JHY: variants seen among roughly 807,000 people sequenced by gnomAD.
The protein encoded by JHY is jhy protein homolog.
Under a neutral mutation model 78.0 loss-of-function variants are expected in JHY, and 69 were observed. That is an observed-to-expected ratio of 0.88 (90% CI 0.73 to 1.08). JHY has a LOEUF of 1.08. Ranked by LOEUF, JHY falls within the 50% of genes least tolerant of loss-of-function variation. The pLI is 0.00. For missense variants in JHY, 944 were observed against 927.8 expected (o/e 1.02, Z -0.23); for synonymous variants, 368 against 342.6 (o/e 1.07, Z -0.82).
intron 4 of JHY, among the ~76,000 whole-genome samples, chr11:122,931,350 C>T (rs527597403): frequency 2.0e-5 from 3 of 152,092 alleles, no homozygotes; most frequent in Non-Finnish European, 2.9e-5. Flanking sequence ...ATATATAGGA[C>T]CTTTTACTTA....
In JHY at chr11:122,898,274, A is replaced by T. The variant is rs145814847; in HGVS notation, c.345-5651A>T. On this transcript the variant is annotated intron_variant, in intron 2 of 8. Transcript: ENST00000227349. This position sits in a 1 kb window ranked among gnomAD's most constrained non-coding sequence, Gnocchi z 4.4. ...TGTTGACCGACTGATCCATTCGCTG[A>T]TTCACATAAGGCAGACACTGCAACC... is the stretch of plus-strand genomic sequence containing the variant. 5.6e-3 allele frequency among the ~76,000 whole-genome samples: 860 copies of T among 152,266 alleles called. 1 individual carries two copies. Among genetic ancestry groups the T allele is most frequent in the Middle Eastern group, 0.01 (3 of 294 alleles).
chr11:122,901,887 AT>A (rs367620699), intron 2 of JHY, among the ~76,000 whole-genome samples: 5,034 of 142,054 alleles, frequency 0.035, 193 homozygotes, highest in East Asian at 0.19. Flanking sequence ...AAAAAAAAAA[AT>A]TTTTATTTTT....
intron 4 of JHY, among the ~76,000 whole-genome samples, chr11:122,933,165 A>G (rs967949987): frequency 6.6e-6 from 1 of 152,244 alleles, no homozygotes. Flanking sequence ...AATGTATCAG[A>G]AAAGAGAAAT....
chr11:122,941,778 A>T (rs1486112992), intron 5 of JHY, among the ~76,000 whole-genome samples: 1 of 152,086 alleles, frequency 6.6e-6, no homozygotes, highest in African/African-American at 2.4e-5. Flanking sequence ...TGCTTGTAGG[A>T]TGTGTGACTG....
intron 5 of JHY, among the ~76,000 whole-genome samples, chr11:122,944,521 A>G (rs1863928354): frequency 6.6e-6 from 1 of 152,154 alleles, no homozygotes; most frequent in South Asian, 2.1e-4. Flanking sequence ...CATACATATT[A>G]CTTTGTTCAA....
At position 122,934,862 on chromosome 11, in the gene JHY, A is replaced by G. The variant is rs192492008; in HGVS notation, c.1421A>G (p.Asp474Gly). The G allele has an allele frequency of 6.2e-7, 1 of 1,614,046 alleles. No individual in the cohort carries two copies. The highest frequency in any genetic ancestry group is 1.7e-5 in the Admixed American group (1 of 59,974). ...LNVNKERGHK[D>G]QEEKRFSYQQ... ...GTTAATAAAGAAAGAGGACACAAAG[A>G]CCAAGAAGAGAAAAGATTTTCATAT... The change falls in exon 5 of 9, where the codon GAC (aspartate) becomes GGC (glycine). Residue 474 changes from aspartate to glycine, a missense_variant. Coordinates refer to ENST00000227349, the MANE Select transcript of JHY (RefSeq NM_024806.4).
chr11:122,892,069 G>T (rs748414620), intron 2 of JHY, among the ~76,000 whole-genome samples: 2 of 152,078 alleles, frequency 1.3e-5, no homozygotes, highest in Admixed American at 6.6e-5. Context: ...TTTCCTTTGG[G>T]CTGGGAGGTC....
At chr11:122,896,051 C>G (rs1297350948) in intron 2 of JHY, among the ~76,000 whole-genome samples, 5 of 152,096 alleles carry the variant, frequency 3.3e-5, no homozygotes, top group Non-Finnish European at 5.9e-5. Context: ...AATTAAAACT[C>G]TTATAAGAGC....
At chr11:122,918,369 A>C (rs1863278666) in intron 3 of JHY, among the ~76,000 whole-genome samples, 2 of 71,108 alleles carry the variant, frequency 2.8e-5, no homozygotes, top group Admixed American at 3.1e-4. Flanking sequence ...TTATATTTTA[A>C]GGAGGTAAGG....
In JHY at chr11:122,904,017, C is replaced by A. The variant is rs763826168; in HGVS notation, c.437C>A (p.Ala146Glu). 4.3e-6 allele frequency: 7 copies of A among 1,614,024 alleles called. No homozygotes were observed. The highest frequency in any genetic ancestry group is 5.9e-6 in the Non-Finnish European group (7 of 1,180,020). Reference protein sequence around the residue: ...KEEGQLLSVEALPESTDSSLE... With the variant: ...KEEGQLLSVEELPESTDSSLE... The stretch of plus-strand genomic sequence containing the variant: ...GAAGGGCAGCTGCTGTCTGTGGAAG[C>A]GTTGCCGGAGTCCACGGACAGCTCT... Residue 146 changes from alanine (A) to glutamate (E), a missense_variant, in exon 3 of 9, where the codon GCG becomes GAG. Coordinates refer to ENST00000227349, the MANE Select transcript of JHY (RefSeq NM_024806.4).
intron 4 of JHY, among the ~76,000 whole-genome samples, chr11:122,929,548 G>A (rs1216743442): frequency 6.6e-6 from 1 of 152,130 alleles, no homozygotes; most frequent in Admixed American, 6.6e-5. Flanking sequence ...GGTAAGGGCT[G>A]CTGTCTGCCT....
chr11:122,938,174 G>A (rs768247560), intron 5 of JHY, among the ~76,000 whole-genome samples: 17 of 151,924 alleles, frequency 1.1e-4, no homozygotes, highest in Non-Finnish European at 1.9e-4. Context: ...TTCAGTTCTG[G>A]GAAAATTTCT....
intron 6 of JHY, among the ~76,000 whole-genome samples, chr11:122,954,422 T>C (rs1332320832): frequency 1.3e-5 from 2 of 152,232 alleles, no homozygotes; most frequent in Non-Finnish European, 1.5e-5. Flanking sequence ...CTCTGGGTAC[T>C]CAGTAGACCA....
At chr11:122,948,442 T>TTAA (rs10527069) in intron 6 of JHY, among the ~76,000 whole-genome samples, 5,123 of 143,446 alleles carry the variant, frequency 0.036, 109 homozygotes, top group Middle Eastern at 0.073. Flanking sequence ...AAACTTTGTC[T>TTAA]TAATAATAAT....
In JHY at chr11:122,960,487, G is replaced by A. The variant is rs954082748; in HGVS notation, c.*1042G>A. 4.3e-5 allele frequency: 10 copies of A among 231,254 alleles called. No individual in the cohort carries two copies. The highest frequency in any genetic ancestry group is 8.3e-5 in the Admixed American group (2 of 24,168). 14.3% of individuals were successfully genotyped at this position (231,254 alleles called of 1,614,324 possible). A position where few individuals can be genotyped will look rare whatever the true frequency, so the allele number is the denominator to read the frequency against. On this transcript the variant is annotated 3_prime_UTR_variant, in exon 9 of 9. Transcript: ENST00000227349. ...CCTCTTCCTTCCTTTTCCTATAGAG[G>A]AAAAGTTCGTTTTGGGCTGATCCCT...
intron 1 of JHY, among the ~76,000 whole-genome samples, chr11:122,884,929 A>T (rs934805574): frequency 6.6e-6 from 1 of 151,116 alleles, no homozygotes; most frequent in African/African-American, 2.4e-5. Flanking sequence ...TCTCCCGAGT[A>T]GCTGGGACTA....
chr11:122,958,150 T>C (rs1189014969), intron 8 of JHY, among the ~76,000 whole-genome samples: 1 of 152,206 alleles, frequency 6.6e-6, no homozygotes, highest in African/African-American at 2.4e-5. Context: ...CAGAATGTTC[T>C]CCCTCTCAGA....
chr11:122,905,067 C>A, intron 3 of JHY: 1 of 894,652 alleles, frequency 1.1e-6, no homozygotes, highest in South Asian at 1.6e-5. Context: ...CATTGAAAAT[C>A]ACATCATTTG....
At chr11:122,908,197 T>C (rs1323572771) in intron 3 of JHY, among the ~76,000 whole-genome samples, 1 of 152,056 alleles carries the variant, frequency 6.6e-6, no homozygotes, top group Non-Finnish European at 1.5e-5. Flanking sequence ...TCCTAAACAT[T>C]AGAGTGCACC....
Sources: allele counts gnomAD v4.1 joint callset (sites outside exome capture counted in the v4.1 genomes callset), GRCh38; gene constraint gnomAD v4.1.1; non-coding constraint Gnocchi (gnomAD v3.1); transcripts MANE v1.5; gene names NCBI Gene and HGNC (gene_info 2026-07-23, HGNC 2026-07-21).